SLC35F1: variants seen among roughly 807,000 people sequenced by gnomAD.
The protein encoded by SLC35F1 is solute carrier family 35 member F1, also known as chromosome 6 open reading frame 169.
SLC35F1 carries 14 observed loss-of-function variants against 48.7 expected under a neutral mutation model. The observed-to-expected ratio is 0.29, with a 90% CI of 0.19 to 0.45. SLC35F1 has a LOEUF of 0.45. Among genes scored for constraint, SLC35F1 ranks in the 20% least tolerant of loss-of-function variants. The pLI, the probability that SLC35F1 is intolerant of heterozygous loss-of-function variation, is 1.00. For missense variants in SLC35F1, 404 were observed against 500.0 expected (o/e 0.81, Z 1.83); for synonymous variants, 190 against 202.2 (o/e 0.94, Z 0.51).
At chr6:118,174,747 T>C (rs1299314687) in intron 2 of SLC35F1, among the ~76,000 whole-genome samples, 3 of 152,084 alleles carry the variant, frequency 2.0e-5, no homozygotes, top group Non-Finnish European at 4.4e-5. Flanking sequence ...ATTTCTTTTC[T>C]GTGTCAAACT....
chr6:117,908,601 C>T (rs1775726060), intron 1 of SLC35F1, among the ~76,000 whole-genome samples: 1 of 152,220 alleles, frequency 6.6e-6, no homozygotes, highest in Non-Finnish European at 1.5e-5. Flanking sequence ...TGCCGATCGC[C>T]GGCGCCTCCA....
chr6:118,213,024 A>T (rs796873065), intron 2 of SLC35F1, among the ~76,000 whole-genome samples: 8 of 152,328 alleles, frequency 5.3e-5, no homozygotes, highest in African/African-American at 1.7e-4. Context: ...ATACTTCATC[A>T]CATTATTGTA....
intron 5 of SLC35F1, among the ~76,000 whole-genome samples, chr6:118,276,052 G>A (rs1004213430): frequency 3.3e-5 from 5 of 152,150 alleles, no homozygotes; most frequent in East Asian, 3.8e-4. Context: ...TTTACTGCCC[G>A]TGGATTTGCA....
At chr6:118,176,876 G>GTT (rs113276884) in intron 2 of SLC35F1, among the ~76,000 whole-genome samples, 37 of 151,396 alleles carry the variant, frequency 2.4e-4, no homozygotes, top group African/African-American at 9.0e-4. Flanking sequence ...ATTTGTGCTT[G>GTT]TTTTTTTTGT....
chr6:118,170,923 T>C (rs1165663232), intron 2 of SLC35F1, among the ~76,000 whole-genome samples: 2 of 152,222 alleles, frequency 1.3e-5, no homozygotes, highest in African/African-American at 4.8e-5. Context: ...AATTTTGTTA[T>C]TTATCTTTCA....
In SLC35F1 at chr6:118,154,499, A is replaced by T; in HGVS notation, c.228A>T (p.Gly76=). The T allele has an allele frequency of 6.2e-7, 1 of 1,613,848 alleles. No individual in the cohort carries two copies. Reference sequence around the variant, plus strand: ...AGGTGTTATCCCTCCTTATTTGTGGAATTGGCTTGACTAGCAAGTATCTGT... The same window carrying T: ...AGGTGTTATCCCTCCTTATTTGTGGTATTGGCTTGACTAGCAAGTATCTGT... ...LGQVLSLLIC[G]IGLTSKYLSE... The change falls in exon 2 of 8, where the codon GGA becomes GGT. Residue 76 remains glycine (G), a synonymous_variant. Coordinates refer to ENST00000360388, the MANE Select transcript of SLC35F1 (RefSeq NM_001029858.4).
chr6:118,253,347 A>G (rs554495760), intron 3 of SLC35F1, among the ~76,000 whole-genome samples: 6 of 152,154 alleles, frequency 3.9e-5, no homozygotes, highest in Non-Finnish European at 8.8e-5. Flanking sequence ...AAGAGGACTA[A>G]AATGTGTCTG....
intron 1 of SLC35F1, among the ~76,000 whole-genome samples, chr6:117,968,608 G>C (rs930288901): frequency 2.6e-5 from 4 of 152,174 alleles, no homozygotes; most frequent in Admixed American, 2.0e-4. Flanking sequence ...CATCCAGTGA[G>C]ATTTGGATTG....
At chr6:117,923,643 G>GTACACATATACATATA (rs1562238592) in intron 1 of SLC35F1, among the ~76,000 whole-genome samples, 4 of 58,768 alleles carry the variant, frequency 6.8e-5, no homozygotes, top group South Asian at 8.3e-4. Flanking sequence ...ATGTACATAT[G>GTACACATATACATATA]TACATATGTA....
At chr6:117,990,196 A>G (rs577720133) in intron 1 of SLC35F1, among the ~76,000 whole-genome samples, 15 of 152,208 alleles carry the variant, frequency 9.9e-5, no homozygotes, top group Non-Finnish European at 2.1e-4. Flanking sequence ...ATTCCAGTGT[A>G]CTTCTGAATT....
intron 1 of SLC35F1, among the ~76,000 whole-genome samples, chr6:118,124,009 A>G (rs1414863124): frequency 1.3e-5 from 2 of 152,072 alleles, no homozygotes; most frequent in Non-Finnish European, 2.9e-5. Flanking sequence ...AGACACCCAA[A>G]TCACAGACCT....
At chr6:117,943,281 A>T (rs1475676039) in intron 1 of SLC35F1, among the ~76,000 whole-genome samples, 1 of 152,206 alleles carries the variant, frequency 6.6e-6, no homozygotes, top group Non-Finnish European at 1.5e-5. Flanking sequence ...AAGTGTTATT[A>T]TAATTTTTCT....
intron 1 of SLC35F1, among the ~76,000 whole-genome samples, chr6:118,120,293 G>GTA (rs1459639716): frequency 6.6e-6 from 1 of 152,072 alleles, no homozygotes; most frequent in Non-Finnish European, 1.5e-5. Context: ...ACCCACTTTT[G>GTA]CATGAATACC....
chr6:118,281,405 C>G (rs1775983556), intron 6 of SLC35F1, among the ~76,000 whole-genome samples: 1 of 152,156 alleles, frequency 6.6e-6, no homozygotes, highest in African/African-American at 2.4e-5. Flanking sequence ...TGTTTACTCA[C>G]AGATCCATCT....
At chr6:118,116,685 A>T (rs1271080824) in intron 1 of SLC35F1, among the ~76,000 whole-genome samples, 1 of 152,158 alleles carries the variant, frequency 6.6e-6, no homozygotes, top group Non-Finnish European at 1.5e-5. Flanking sequence ...TGTGATGCTC[A>T]TCACTTTATT....
chr6:118,052,059 G>T (rs1386823753), intron 1 of SLC35F1, among the ~76,000 whole-genome samples: 1 of 152,032 alleles, frequency 6.6e-6, no homozygotes, highest in Non-Finnish European at 1.5e-5. Flanking sequence ...TGTACTTCAT[G>T]ACTCCAGGTG....
intron 1 of SLC35F1, among the ~76,000 whole-genome samples, chr6:117,944,703 A>G (rs185931654): frequency 2.0e-3 from 297 of 152,256 alleles, no homozygotes; most frequent in Admixed American, 3.6e-3. Flanking sequence ...CTATGGATGC[A>G]TCTGTTCTAG....
In SLC35F1 at chr6:118,009,964, T is replaced by C. The variant is rs1028326721; in HGVS notation, c.173+102065T>C. Among the ~76,000 whole-genome samples the C allele has an allele frequency of 2.0e-5, 3 of 152,176 alleles. No individual in the cohort carries two copies. In the East Asian group the frequency reaches 5.8e-4, roughly 29 times the overall value. On this transcript the variant is annotated intron_variant, in intron 1 of 7. Transcript: ENST00000360388. ...GGAAATTTGCATGCCAGGGAAGTAA[T>C]GACTTGGGAATTTATTGACTACGTA...
At chr6:118,103,406 G>T (rs1428968484) in intron 1 of SLC35F1, among the ~76,000 whole-genome samples, 1 of 152,178 alleles carries the variant, frequency 6.6e-6, no homozygotes, top group Non-Finnish European at 1.5e-5. Context: ...AATACACAAA[G>T]TGCCATTTGG....
Sources: gnomAD v4.1 joint callset for allele counts (sites outside exome capture counted in the v4.1 genomes callset) on GRCh38, gnomAD v4.1.1 for gene constraint, MANE v1.5 for transcripts, NCBI Gene and HGNC (gene_info 2026-07-23, HGNC 2026-07-21) for gene names.